PRH1: variants seen among roughly 807,000 people sequenced by gnomAD.
The protein encoded by PRH1 is proline rich protein HaeIII subfamily 1.
Under a neutral mutation model 7.9 loss-of-function variants are expected in PRH1, and 7 were observed. That is an observed-to-expected ratio of 0.89 (90% CI 0.50 to 1.67). The LOEUF is 1.67. PRH1 is among the 40% of genes most tolerant of loss of function. PRH1 has a pLI of 0.00. For missense variants in PRH1, 109 were observed against 223.6 expected (o/e 0.49, Z 3.27); for synonymous variants, 45 against 80.8 (o/e 0.56, Z 2.38).
chr12:11,073,463 T>C (rs1944167636), intron 1 of PRH1, among the ~76,000 whole-genome samples: 1 of 148,634 alleles, frequency 6.7e-6, no homozygotes, highest in Non-Finnish European at 1.5e-5. Context: ...AAGTGGCCTG[T>C]TGCCCTATAA....
chr12:11,058,400 C>A (rs529606331), intron 1 of PRH1, among the ~76,000 whole-genome samples: 70 of 152,356 alleles, frequency 4.6e-4, no homozygotes, highest in Non-Finnish European at 7.6e-4. Flanking sequence ...TTCAGTGTCC[C>A]TAGTCCACAT....
At chr12:11,022,632 G>C in intron 1 of PRH1, 3 of 1,246,272 alleles carry the variant, frequency 2.4e-6, no homozygotes, top group Non-Finnish European at 3.3e-6. Flanking sequence ...TTAACATCCA[G>C]ATGTTAACTT....
chr12:11,005,410 T>C (rs140727604), intron 1 of PRH1, among the ~76,000 whole-genome samples: 60 of 152,284 alleles, frequency 3.9e-4, no homozygotes, highest in Admixed American at 2.4e-3. Context: ...AGTTCCTACA[T>C]TGGATATCTA....
chr12:10,903,547 T>C (rs778168289), intron 2 of PRH1, among the ~76,000 whole-genome samples: 10 of 151,972 alleles, frequency 6.6e-5, no homozygotes, highest in Admixed American at 2.6e-4. Flanking sequence ...AAGAGCCATC[T>C]ATGACAAAAC....
At chr12:10,982,159 A>G (rs1939387814) in intron 1 of PRH1, among the ~76,000 whole-genome samples, 1 of 152,152 alleles carries the variant, frequency 6.6e-6, no homozygotes, top group Non-Finnish European at 1.5e-5. Context: ...TGACCTGTAT[A>G]CCAAGGGACA....
downstream of PRH1, among the ~76,000 whole-genome samples, chr12:11,115,941 A>G (rs557841575): frequency 1.8e-4 from 28 of 152,214 alleles, no homozygotes; most frequent in Middle Eastern, 6.8e-3. Context: ...TACATCAGAA[A>G]AGAAGAAAAA....
At chr12:10,964,467 A>G (rs923693257) in intron 2 of PRH1, 1 of 249,980 alleles carries the variant, frequency 4.0e-6, no homozygotes, top group Non-Finnish European at 8.6e-6. Context: ...TTAATCTGAC[A>G]CAAAATCAAA....
chr12:10,997,104 C>A lies in PRH1; in HGVS notation c.-125-23383G>T, dbSNP rs1940296417. The A allele has an allele frequency of 1.9e-6, 3 of 1,614,030 alleles. No individual in the cohort carries two copies. In the Admixed American group the frequency reaches 5.0e-5, roughly 27 times the overall value. On this transcript the variant is annotated intron_variant, in intron 1 of 3. Coordinates refer to the PRH1 transcript ENST00000539853. ...GCTTGGCAAAGCATTAAGACAATTT[C>A]TTTTGGTCGCATCTTAAAATTCCAA...
At chr12:10,953,924 A>G (rs966393774) in intron 2 of PRH1, among the ~76,000 whole-genome samples, 2 of 152,142 alleles carry the variant, frequency 1.3e-5, no homozygotes, top group African/African-American at 4.8e-5. Flanking sequence ...GTTAGCAGAA[A>G]CTCTACAACC....
intron 1 of PRH1, chr12:11,030,546 A>G (rs1277374407): frequency 6.2e-7 from 1 of 1,614,102 alleles, no homozygotes; most frequent in African/African-American, 1.3e-5. Context: ...ATAGCTTTGC[A>G]GAACATGAAG....
chr12:10,975,039 G>C (rs1343423242), intron 1 of PRH1, among the ~76,000 whole-genome samples: 1 of 152,172 alleles, frequency 6.6e-6, no homozygotes, highest in Non-Finnish European at 1.5e-5. Context: ...GCAAGCTGGG[G>C]AAAGAATCAA....
At chr12:11,109,852 G>A (rs1165582030) in intron 1 of PRH1, among the ~76,000 whole-genome samples, 2 of 152,078 alleles carry the variant, frequency 1.3e-5, no homozygotes, top group Non-Finnish European at 2.9e-5. Context: ...GGCTTCAGAA[G>A]GTGGGTAATA....
intron 1 of PRH1, among the ~76,000 whole-genome samples, chr12:11,135,068 A>G (rs1946506199): frequency 6.6e-6 from 1 of 152,188 alleles, no homozygotes; most frequent in Non-Finnish European, 1.5e-5. Context: ...TTTATCAAAC[A>G]TATCTCTAAT....
At chr12:11,022,600 A>T (rs1228943983) in intron 1 of PRH1, 3 of 1,516,498 alleles carry the variant, frequency 2.0e-6, no homozygotes, top group Non-Finnish European at 2.7e-6. Flanking sequence ...ATGCAGGCTT[A>T]GTAACACTTG....
At position 11,010,595 on chromosome 12, in the gene PRH1, G is replaced by T. The variant is rs1941022514; in HGVS notation, c.-126+36425C>A. On this transcript the variant is annotated intron_variant, in intron 1 of 3. Transcript: ENST00000539853. ...ATAAAAAATACTTCGCCTTAATCAG[G>T]TAATGCCATATTCAGCCAAAGTAAT... Among the ~76,000 whole-genome samples the T allele has an allele frequency of 2.0e-5, 3 of 151,770 alleles. No homozygotes were observed. In the South Asian group the frequency reaches 6.2e-4, roughly 31 times the overall value.
intron 1 of PRH1, among the ~76,000 whole-genome samples, chr12:11,148,139 T>A (rs1468660793): frequency 7.0e-6 from 1 of 143,310 alleles, no homozygotes. Context: ...ATTGATTTTG[T>A]ATCCTGAGAC....
chr12:11,096,826 G>T (rs1257349832), intron 1 of PRH1, among the ~76,000 whole-genome samples: 1 of 114,606 alleles, frequency 8.7e-6, no homozygotes, highest in African/African-American at 2.9e-5. Flanking sequence ...TTGAGACGGA[G>T]TCTCGTTGTC....
At chr12:11,089,718 T>A (rs532221676) in intron 1 of PRH1, among the ~76,000 whole-genome samples, 1 of 121,698 alleles carries the variant, frequency 8.2e-6, no homozygotes, top group South Asian at 2.2e-4. Flanking sequence ...CTAGAAAATA[T>A]CATAATACAA....
intron 2 of PRH1, among the ~76,000 whole-genome samples, chr12:10,906,496 T>G (rs1209318331): frequency 6.6e-6 from 1 of 152,208 alleles, no homozygotes; most frequent in Non-Finnish European, 1.5e-5. Context: ...TTCAGAATGA[T>G]ATGGTCTGGC....
Sources: gnomAD v4.1 joint callset for allele counts (sites outside exome capture counted in the v4.1 genomes callset) on GRCh38, gnomAD v4.1.1 for gene constraint, MANE v1.5 for transcripts, NCBI Gene and HGNC (gene_info 2026-07-23, HGNC 2026-07-21) for gene names.